Variants in HRK observed in about 807,000 individuals in gnomAD.
The protein encoded by HRK is activator of apoptosis harakiri.
Under a neutral mutation model 5.9 loss-of-function variants are expected in HRK, and 6 were observed. The ratio of observed to expected loss-of-function variants is 1.02; its 90% CI spans 0.56 to 2.01. The LOEUF (loss-of-function observed/expected upper bound fraction) is 2.01, where lower values mean the gene tolerates loss of function less well. Ranked by LOEUF, HRK falls within the 30% of genes most tolerant of loss-of-function variation. The pLI, the probability that HRK is intolerant of heterozygous loss-of-function variation, is 0.00. For missense variants in HRK, 133 were observed against 128.3 expected, an observed-to-expected ratio of 1.04 and a Z score of -0.18; for synonymous variants, 85 against 65.1, an observed-to-expected ratio of 1.31 and a Z score of -1.47.
chr12:116,861,574 G>C (rs531715544), intron 1 of HRK, 108 bp from the exon 2 acceptor site: 1 of 152,340 alleles, frequency 6.6e-6, no homozygotes, highest in East Asian at 1.9e-4. Flanking sequence ...AGGGGGAGGA[G>C]GGAGGGGAGA....
rs1436339476 is a variant in HRK, at chr12:116,879,237, T to G, written c.*56+1739A>C. 1 of 152,258 alleles carries G rather than the reference T, an allele frequency of 6.6e-6. No homozygotes were observed. The highest frequency in any genetic ancestry group is 2.4e-5 in the African/African-American group (1 of 41,442). The allele number at this position is 152,258 out of a possible 1,614,324, so 9.4% of individuals were successfully genotyped here. A position where few individuals can be genotyped will look rare whatever the true frequency, so the allele number is the denominator to read the frequency against. On this transcript the variant is annotated intron_variant, in intron 1 of 1. Transcript: ENST00000257572. The surrounding 1 kb of genome is among the most constrained non-coding windows in gnomAD (Gnocchi z 5.6). Reference sequence around the variant, plus strand: ...CGTGTCCCAGCCCTCTCTCCACAGTTCTATTTGATTTTACTACCTTCCTCT... The same window carrying G: ...CGTGTCCCAGCCCTCTCTCCACAGTGCTATTTGATTTTACTACCTTCCTCT...
intron 1 of HRK, among the ~76,000 whole-genome samples, chr12:116,863,491 T>C (rs1593004090): frequency 6.6e-6 from 1 of 152,140 alleles, no homozygotes; most frequent in African/African-American, 2.4e-5. Context: ...TCTCGCTGGT[T>C]TCCCAAACCC....
At chr12:116,873,346 T>G (rs1187359353) in intron 1 of HRK, among the ~76,000 whole-genome samples, 1 of 151,854 alleles carries the variant, frequency 6.6e-6, no homozygotes, top group Non-Finnish European at 1.5e-5. Flanking sequence ...CCAATGAACT[T>G]GTCATATTTT....
chr12:116,875,162 G>T (rs1471970308), intron 1 of HRK, among the ~76,000 whole-genome samples: 7 of 152,166 alleles, frequency 4.6e-5, no homozygotes, highest in Non-Finnish European at 7.3e-5. Flanking sequence ...ATGATTTAAA[G>T]CCTACAGTGT....
rs556633190 is a variant in HRK, at chr12:116,881,065, C to T, written c.243G>A (p.Leu81=). The change falls in exon 1 of 2, where the codon CTG becomes CTA. Residue 81 remains leucine, a synonymous_variant. Coordinates refer to ENST00000257572, the MANE Select transcript of HRK (RefSeq NM_003806.4). The part of the protein sequence containing the change: ...WLCAAAQVAA[L]AAWLLGRRNL The stretch of plus-strand genomic sequence containing the variant: ...TCCGCCTGCCGAGCAGCCAGGCCGC[C>T]AGCGCCGCCACCTGCGCGGCCGCGC... 8 of 1,356,672 alleles carry T rather than the reference C, an allele frequency of 5.9e-6. No individual in the cohort carries two copies. The East Asian group carries it at 1.9e-4, about 32-fold the overall frequency. The allele number at this position is 1,356,672 out of a possible 1,614,324, so 84.0% of individuals were successfully genotyped here. A position where few individuals can be genotyped will look rare whatever the true frequency, so the allele number is the denominator to read the frequency against.
chr12:116,873,493 C>A (rs1415969377), intron 1 of HRK, among the ~76,000 whole-genome samples: 2 of 46,038 alleles, frequency 4.3e-5, no homozygotes, highest in Non-Finnish European at 2.6e-4. Context: ...CCTCACTCAG[C>A]CTCCCGAGTA....
At chr12:116,864,024 G>C (rs1187046826) in intron 1 of HRK, among the ~76,000 whole-genome samples, 3 of 151,938 alleles carry the variant, frequency 2.0e-5, no homozygotes, top group Non-Finnish European at 2.9e-5. Context: ...ATCTCACGAG[G>C]GCACAAACAC....
At position 116,858,392 on chromosome 12, in the gene HRK, G is replaced by C. The variant is rs1473659660; in HGVS notation, c.*3131C>G. 6.6e-6 allele frequency: 1 copy of C among 152,036 alleles called. No individual in the cohort carries two copies. The highest frequency in any genetic ancestry group is 1.5e-5 in the Non-Finnish European group (1 of 68,052). 9.4% of individuals were successfully genotyped at this position (152,036 alleles called of 1,614,324 possible). The stretch of plus-strand genomic sequence containing the variant: ...ATCAGGTGGGGGTGAGAAGCTTCCA[G>C]AAAGGACTGGATCTCATTCGGAGTG... On this transcript the variant is annotated 3_prime_UTR_variant, in exon 2 of 2. Transcript: ENST00000257572.
At position 116,878,521 on chromosome 12, in the gene HRK, T is replaced by G. The variant is rs1280612224; in HGVS notation, c.*56+2455A>C. 2 of 152,298 alleles carry G rather than the reference T, an allele frequency of 1.3e-5. No homozygotes were observed. Among genetic ancestry groups the G allele is most frequent in the African/African-American group, 4.8e-5 (2 of 41,452 alleles). 9.4% of individuals were successfully genotyped at this position (152,298 alleles called of 1,614,324 possible). On this transcript the variant is annotated intron_variant, in intron 1 of 1. Transcript: ENST00000257572. The surrounding 1 kb of genome is among the most constrained non-coding windows in gnomAD (Gnocchi z 4.4). ...AAAGCACAAGAAAGGCCGGAGCGGC[T>G]GGTATTCTGAGGTCAGATGTAGGCT...
rs1174454990 is a variant in HRK, at chr12:116,861,257, C to T, written c.*266G>A. The T allele has an allele frequency of 6.6e-6, 1 of 152,138 alleles. No homozygotes were observed. Among genetic ancestry groups the T allele is most frequent in the Non-Finnish European group, 1.5e-5 (1 of 68,044 alleles). 9.4% of individuals were successfully genotyped at this position (152,138 alleles called of 1,614,324 possible). On this transcript the variant is annotated 3_prime_UTR_variant, in exon 2 of 2. Coordinates refer to ENST00000257572, the MANE Select transcript of HRK (RefSeq NM_003806.4). ...ATTTTCTTTTTTTATATATATAGAGCTGTATGTAAATAGCATTGGGGTGTC... is the reference window on the plus strand; with the variant it reads ...ATTTTCTTTTTTTATATATATAGAGTTGTATGTAAATAGCATTGGGGTGTC...
intron 1 of HRK, among the ~76,000 whole-genome samples, chr12:116,880,151 C>T (rs1303220046): frequency 6.6e-6 from 1 of 152,174 alleles, no homozygotes; most frequent in East Asian, 1.9e-4. Flanking sequence ...AAGTTCTCAA[C>T]ACATGACCTC....
chr12:116,866,766 C>T (rs1292824346), intron 1 of HRK, among the ~76,000 whole-genome samples: 3 of 152,136 alleles, frequency 2.0e-5, no homozygotes, highest in Admixed American at 1.3e-4. Flanking sequence ...AAGCCCAACT[C>T]GCTTGACTTT....
At chr12:116,861,720 C>A (rs1878375131) in intron 1 of HRK, among the ~76,000 whole-genome samples, 1 of 152,224 alleles carries the variant, frequency 6.6e-6, no homozygotes, top group East Asian at 1.9e-4. Context: ...ACACACTCCC[C>A]TCTCTGCTTT....
intron 1 of HRK, among the ~76,000 whole-genome samples, chr12:116,872,731 T>A (rs1279597791): frequency 6.6e-6 from 1 of 151,798 alleles, no homozygotes; most frequent in East Asian, 1.9e-4. Context: ...GCTACGATCC[T>A]GCTACTGCAC....
Position 116,862,780 on chromosome 12 carries a change from G to A in HRK, c.*57-1314C>T, listed in dbSNP as rs1429753151. Among the ~76,000 whole-genome samples, 1 of 152,138 alleles carries A rather than the reference G, an allele frequency of 6.6e-6. No individual in the cohort carries two copies. The highest frequency in any genetic ancestry group is 1.5e-5 in the Non-Finnish European group (1 of 68,030). On this transcript the variant is annotated intron_variant, in intron 1 of 1. Transcript: ENST00000257572. The surrounding 1 kb of genome is among the most constrained non-coding windows in gnomAD (Gnocchi z 4.0). ...AAGGTCTCGTTCTGTTGCCCAGGCT[G>A]GAGTGCAGTGGTACGATCTCAGCTC... is the stretch of plus-strand genomic sequence containing the variant.
intron 1 of HRK, among the ~76,000 whole-genome samples, chr12:116,876,330 T>C (rs998446395): frequency 2.0e-5 from 3 of 152,226 alleles, no homozygotes; most frequent in South Asian, 2.1e-4. Context: ...AAAGTAATTC[T>C]GGCAGGGGTG....
In HRK at chr12:116,879,939, T is replaced by C. The variant is rs1380147197; in HGVS notation, c.*56+1037A>G. Among the ~76,000 whole-genome samples, 2 of 152,120 alleles carry C rather than the reference T, an allele frequency of 1.3e-5. No homozygotes were observed. The highest frequency in any genetic ancestry group is 2.9e-5 in the Non-Finnish European group (2 of 68,008). On this transcript the variant is annotated intron_variant, in intron 1 of 1. Transcript: ENST00000257572. This position sits in a 1 kb window ranked among gnomAD's most constrained non-coding sequence, Gnocchi z 5.6. ...CTATGGTGGGCTCAGCCTGATTCTC[T>C]CTCCCTCATTCTCTGCAGCGCTCCT... is the stretch of plus-strand genomic sequence containing the variant.
intron 1 of HRK, among the ~76,000 whole-genome samples, chr12:116,873,888 G>A (rs1878844121): frequency 6.6e-6 from 1 of 152,122 alleles, no homozygotes; most frequent in African/African-American, 2.4e-5. Context: ...TATTGATGTG[G>A]GCTAAATCAG....
Position 116,862,877 on chromosome 12 carries a change from C to T in HRK, c.*57-1411G>A, listed in dbSNP as rs894205490. On this transcript the variant is annotated intron_variant, in intron 1 of 1. Transcript: ENST00000257572. The surrounding 1 kb of genome is among the most constrained non-coding windows in gnomAD (Gnocchi z 4.0). ...TCAGCCTCCCAAGTAGCTGGGACTA[C>T]AGGTGCATGCCATCATGCCCGGCTA... 1.2e-4 allele frequency among the ~76,000 whole-genome samples: 19 copies of T among 152,126 alleles called. No homozygotes were observed. Among genetic ancestry groups the T allele is most frequent in the Non-Finnish European group, 1.9e-4 (13 of 68,042 alleles).
Sources: allele counts gnomAD v4.1 joint callset (sites outside exome capture counted in the v4.1 genomes callset), GRCh38; gene constraint gnomAD v4.1.1; non-coding constraint Gnocchi (gnomAD v3.1); transcripts MANE v1.5; gene names NCBI Gene and HGNC (gene_info 2026-07-23, HGNC 2026-07-21).